Variants in CA10 observed in about 807,000 individuals in gnomAD.
CA10 encodes the protein carbonic anhydrase 10 (inactive), also known as carbonic anhydrase-related protein 10.
CA10 carries 14 observed loss-of-function variants against 44.2 expected under a neutral mutation model. The observed-to-expected ratio is 0.32, with a 90% confidence interval of 0.21 to 0.50. The LOEUF is 0.50. Among genes scored for constraint, CA10 ranks in the 20% least tolerant of loss-of-function variants. The probability of loss-of-function intolerance (pLI) is 0.99; values close to 1 mark genes in which losing one functional copy is unlikely to be tolerated. For synonymous variants in CA10, 159 were observed against 141.6 expected (o/e 1.12, Z -0.87); for missense variants, 350 against 409.7 (o/e 0.85, Z 1.26).
intron 3 of CA10, among the ~76,000 whole-genome samples, chr17:51,774,894 C>T (rs1905757455): frequency 6.6e-6 from 1 of 152,142 alleles, no homozygotes; most frequent in African/African-American, 2.4e-5. Flanking sequence ...ATACATACAT[C>T]CTATAGTTAC....
At chr17:51,849,163 G>GTATATATATATACATATATGTATA (rs1235664217) in intron 3 of CA10, among the ~76,000 whole-genome samples, 2 of 90,264 alleles carry the variant, frequency 2.2e-5, no homozygotes, top group Non-Finnish European at 4.5e-5. Context: ...ATACATATAT[G>GTATATATATATACATATATGTATA]TATATATATA....
chr17:51,784,598 G>A (rs777266907), intron 3 of CA10, among the ~76,000 whole-genome samples: 2 of 152,132 alleles, frequency 1.3e-5, no homozygotes, highest in Non-Finnish European at 2.9e-5. Context: ...ACACATTAGT[G>A]AGAACATGCC....
intron 4 of CA10, among the ~76,000 whole-genome samples, chr17:51,683,998 C>T (rs1271416687): frequency 6.6e-6 from 1 of 152,192 alleles, no homozygotes; most frequent in African/African-American, 2.4e-5. Flanking sequence ...TCCCCAGAAC[C>T]TGTGAAAATG....
chr17:51,959,263 T>TCTCTCTCG (rs1399689412), intron 2 of CA10, among the ~76,000 whole-genome samples: 10 of 36,506 alleles, frequency 2.7e-4, no homozygotes, highest in South Asian at 1.4e-3. Context: ...CCTATTGTTC[T>TCTCTCTCG]CTCTCTCGCT....
chr17:51,759,153 AT>A (rs535347019), intron 3 of CA10, among the ~76,000 whole-genome samples: 1 of 151,286 alleles, frequency 6.6e-6, no homozygotes, highest in East Asian at 1.9e-4. Context: ...GTCTGGATCA[AT>A]TTTTTTTTCT....
intron 4 of CA10, among the ~76,000 whole-genome samples, chr17:51,683,245 G>T (rs1914902940): frequency 1.3e-5 from 2 of 152,124 alleles, no homozygotes; most frequent in Non-Finnish European, 2.9e-5. Context: ...CCTCTGCTTT[G>T]CATATCAGTT....
intron 1 of CA10, among the ~76,000 whole-genome samples, chr17:52,077,992 T>C (rs1987861244): frequency 6.6e-6 from 1 of 152,188 alleles, no homozygotes; most frequent in Non-Finnish European, 1.5e-5. Context: ...CTTAAAAAAT[T>C]ATGTTCATAT....
intron 2 of CA10, among the ~76,000 whole-genome samples, chr17:52,008,126 G>A (rs1985664421): frequency 6.6e-6 from 1 of 151,258 alleles, no homozygotes; most frequent in Non-Finnish European, 1.5e-5. Flanking sequence ...TTTTTCAAAG[G>A]GCCAGTTTTA....
chr17:52,104,195 T>TC (rs1988606671), intron 1 of CA10, among the ~76,000 whole-genome samples: 3 of 151,708 alleles, frequency 2.0e-5, no homozygotes, highest in African/African-American at 7.3e-5. Flanking sequence ...TGCCTTTTTT[T>TC]TTTTTTTCTT....
intron 1 of CA10, among the ~76,000 whole-genome samples, chr17:52,111,771 G>A (rs919444602): frequency 4.6e-5 from 7 of 152,152 alleles, no homozygotes; most frequent in African/African-American, 1.7e-4. Flanking sequence ...TATGTTCAGT[G>A]CTCCTGGCTC....
intron 3 of CA10, among the ~76,000 whole-genome samples, chr17:51,787,391 T>C (rs1028667006): frequency 6.6e-6 from 1 of 152,232 alleles, no homozygotes; most frequent in Non-Finnish European, 1.5e-5. Flanking sequence ...GATTTTTCCA[T>C]TTCTCCTAGA....
chr17:52,080,271 C>T lies in CA10; in HGVS notation c.62-7878G>A, dbSNP rs754944360. 3.8e-4 allele frequency among the ~76,000 whole-genome samples: 58 copies of T among 151,868 alleles called. 1 individual carries two copies. Among genetic ancestry groups the T allele is most frequent in the Admixed American group, 7.9e-4 (12 of 15,236 alleles). On this transcript the variant is annotated intron_variant, in intron 1 of 8. Coordinates refer to ENST00000451037, the MANE Select transcript of CA10 (RefSeq NM_020178.5). ...ATAGAGACCATCCTGGTTAACACGG[C>T]AAAACCCCGTCTCTACCAAAAATAC...
At chr17:52,148,740 C>A (rs2143405335) in intron 1 of CA10, among the ~76,000 whole-genome samples, 1 of 152,232 alleles carries the variant, frequency 6.6e-6, no homozygotes, top group South Asian at 2.1e-4. Context: ...AAATGCCAGG[C>A]ACTGGGTTGG....
chr17:52,122,283 A>C (rs889819899), intron 1 of CA10, among the ~76,000 whole-genome samples: 1 of 152,224 alleles, frequency 6.6e-6, no homozygotes, highest in Non-Finnish European at 1.5e-5. Flanking sequence ...ATAGAAGTTA[A>C]TACAGATAAA....
At chr17:52,053,894 G>T (rs572889659) in intron 2 of CA10, among the ~76,000 whole-genome samples, 1 of 152,170 alleles carries the variant, frequency 6.6e-6, no homozygotes, top group Admixed American at 6.5e-5. Flanking sequence ...CAATACCCTT[G>T]TGATTTCCTA....
At chr17:51,874,715 T>A (rs569546692) in intron 3 of CA10, among the ~76,000 whole-genome samples, 7 of 152,310 alleles carry the variant, frequency 4.6e-5, no homozygotes, top group African/African-American at 1.7e-4. Context: ...AATTAACCAC[T>A]GCAAGATTAT....
At chr17:51,652,987 G>A (rs1369772282) in intron 5 of CA10, among the ~76,000 whole-genome samples, 1 of 134,220 alleles carries the variant, frequency 7.5e-6, no homozygotes, top group African/African-American at 2.8e-5. Flanking sequence ...CTGCTAAAAT[G>A]TTAAAGGTAA....
chr17:51,803,451 C>T (rs9903736), intron 3 of CA10, among the ~76,000 whole-genome samples: 19,843 of 152,154 alleles, frequency 0.13, 2,234 homozygotes, highest in African/African-American at 0.31. Context: ...CAAATCCCGG[C>T]TTCTCAGTCT....
At chr17:51,900,375 G>C (rs964619377) in intron 3 of CA10, among the ~76,000 whole-genome samples, 13 of 152,272 alleles carry the variant, frequency 8.5e-5, no homozygotes, top group African/African-American at 3.1e-4. Context: ...TTCTGGGCTA[G>C]GGTTCTTGCT....
Sources: gnomAD v4.1 joint callset for allele counts (sites outside exome capture counted in the v4.1 genomes callset) on GRCh38, gnomAD v4.1.1 for gene constraint, MANE v1.5 for transcripts, NCBI Gene and HGNC (gene_info 2026-07-23, HGNC 2026-07-21) for gene names.